Variants in TENM2 observed in about 807,000 individuals in gnomAD.
The protein encoded by TENM2 is teneurin transmembrane protein 2.
A neutral mutation model predicts 245.2 loss-of-function variants in TENM2; 52 were observed. That is an observed-to-expected ratio of 0.21 (90% CI 0.17 to 0.27). The LOEUF (loss-of-function observed/expected upper bound fraction) is 0.27, where lower values mean the gene tolerates loss of function less well. TENM2 is among the 10% of genes least tolerant of loss of function. The probability of loss-of-function intolerance (pLI) is 1.00; values close to 1 mark genes in which losing one functional copy is unlikely to be tolerated. For synonymous variants in TENM2, 1,363 were observed against 1,438.9 expected (o/e 0.95, Z 1.19); for missense variants, 3,046 against 3,666.8 (o/e 0.83, Z 4.37).
chr5:167,282,306 A>G (rs1340794618), upstream of TENM2, among the ~76,000 whole-genome samples: 3 of 152,206 alleles, frequency 2.0e-5, no homozygotes, highest in Non-Finnish European at 4.4e-5. Context: ...TTCTTTCAGT[A>G]GATGCTGAAA....
At chr5:167,988,060 G>A (rs1314637273) in intron 4 of TENM2, among the ~76,000 whole-genome samples, 6 of 152,162 alleles carry the variant, frequency 3.9e-5, no homozygotes, top group African/African-American at 2.4e-5. Flanking sequence ...GAGGGTTTAT[G>A]CAGTGCTGAA....
At chr5:167,060,319 G>C in the TENM2 span, among the ~76,000 whole-genome samples, 4 of 152,066 alleles carry the variant, frequency 2.6e-5, no homozygotes, top group African/African-American at 9.6e-5. Flanking sequence ...ACAAATATGA[G>C]CCACGAATAT....
At chr5:167,125,963 T>C in the TENM2 span, among the ~76,000 whole-genome samples, 6 of 152,204 alleles carry the variant, frequency 3.9e-5, no homozygotes, top group Admixed American at 2.6e-4. Flanking sequence ...GGATAAAGTA[T>C]GTTTCTTATT....
intron 12 of TENM2, chr5:168,129,936 T>G (rs1487329140): frequency 2.0e-5 from 3 of 152,248 alleles, no homozygotes; most frequent in African/African-American, 7.2e-5. Context: ...AGGGAAATTT[T>G]GGGTAAGGCA....
At chr5:167,204,725 A>G in the TENM2 span, among the ~76,000 whole-genome samples, 1 of 152,212 alleles carries the variant, frequency 6.6e-6, no homozygotes, top group Non-Finnish European at 1.5e-5. Context: ...CCTGCAGATT[A>G]GAGTCCTATT....
chr5:167,066,715 T>G, the TENM2 span, among the ~76,000 whole-genome samples: 1 of 152,136 alleles, frequency 6.6e-6, no homozygotes, highest in South Asian at 2.1e-4. Flanking sequence ...TTTTGGCAGT[T>G]TTTAATTTTT....
At chr5:167,242,619 A>G in the TENM2 span, among the ~76,000 whole-genome samples, 1 of 152,128 alleles carries the variant, frequency 6.6e-6, no homozygotes, top group South Asian at 2.1e-4. Flanking sequence ...ATCCACTTTC[A>G]CTTAATGAAT....
chr5:167,357,584 T>G (rs1759429527), intron 1 of TENM2, among the ~76,000 whole-genome samples: 1 of 152,156 alleles, frequency 6.6e-6, no homozygotes. Flanking sequence ...AAGGACAGTG[T>G]TTCCACATTG....
At chr5:167,259,570 C>T in the TENM2 span, among the ~76,000 whole-genome samples, 2 of 152,142 alleles carry the variant, frequency 1.3e-5, no homozygotes, top group Non-Finnish European at 2.9e-5. Flanking sequence ...TGAAGATACA[C>T]CTGCTTTAAT....
intron 9 of TENM2, among the ~76,000 whole-genome samples, chr5:168,106,411 G>A (rs987090523): frequency 3.3e-5 from 5 of 152,064 alleles, no homozygotes; most frequent in Admixed American, 2.0e-4. Flanking sequence ...GCCAACCACC[G>A]TGCTGAACAA....
At chr5:167,603,162 G>A (rs1165119400) in intron 2 of TENM2, among the ~76,000 whole-genome samples, 2 of 152,150 alleles carry the variant, frequency 1.3e-5, no homozygotes, top group East Asian at 1.9e-4. Flanking sequence ...CACCTGGAAT[G>A]TCATTTGTTC....
the TENM2 span, among the ~76,000 whole-genome samples, chr5:167,007,110 T>C: frequency 4.6e-3 from 702 of 152,320 alleles, 6 homozygotes; most frequent in African/African-American, 0.016. This position sits in a 1 kb window ranked among gnomAD's most constrained non-coding sequence, Gnocchi z 4.2. Context: ...TGCTACTGAT[T>C]GCTTCTAATT....
the TENM2 span, among the ~76,000 whole-genome samples, chr5:167,197,178 C>T: frequency 1.3e-5 from 2 of 152,044 alleles, no homozygotes; most frequent in South Asian, 2.1e-4. Context: ...GATATATAAA[C>T]TCAGAGAGAT....
At chr5:167,230,818 G>C in the TENM2 span, among the ~76,000 whole-genome samples, 2 of 152,174 alleles carry the variant, frequency 1.3e-5, no homozygotes, top group African/African-American at 4.8e-5. Context: ...CTGAGCATCA[G>C]CTTACTTGGA....
chr5:167,805,415 G>T lies in TENM2; in HGVS notation c.503-70571G>T, dbSNP rs189915919. ...TTTATGAAGCTTTCCTGTGATTCTT[G>T]GAATGAACCAAATGTGGGATTTGTT... On this transcript the variant is annotated intron_variant, in intron 2 of 28. Coordinates refer to ENST00000518659, the Ensembl canonical transcript of TENM2. 1.1e-4 allele frequency among the ~76,000 whole-genome samples: 16 copies of T among 152,166 alleles called. No individual in the cohort carries two copies. In the East Asian group the frequency reaches 3.1e-3, roughly 29 times the overall value.
At position 167,463,749 on chromosome 5, in the gene TENM2, G is replaced by GC. The variant is rs956640126; in HGVS notation, c.502+88282dup. Among the ~76,000 whole-genome samples the GC allele has an allele frequency of 1.2e-4, 19 of 152,202 alleles. 1 individual carries two copies. The highest frequency in any genetic ancestry group is 1.0e-3 in the Admixed American group (16 of 15,300). On this transcript the variant is annotated intron_variant, in intron 2 of 28. Coordinates refer to ENST00000518659, the Ensembl canonical transcript of TENM2. ...GGCCTCAGGCGATCTGCCTGCTTCG[G>GC]CCCCCCAGACTGTTGGGATTACAGG... is the stretch of plus-strand genomic sequence containing the variant.
chr5:168,220,539 T>C (rs1352261188), intron 23 of TENM2, among the ~76,000 whole-genome samples: 1 of 152,248 alleles, frequency 6.6e-6, no homozygotes, highest in African/African-American at 2.4e-5. Context: ...GCCCTTTTTT[T>C]CATAATGTAG....
At chr5:167,415,650 T>C (rs1320141062) in intron 2 of TENM2, among the ~76,000 whole-genome samples, 2 of 152,184 alleles carry the variant, frequency 1.3e-5, no homozygotes, top group East Asian at 1.9e-4. Flanking sequence ...GATTTTTTCC[T>C]TCTGTTGACA....
At chr5:167,575,583 G>A (rs1359376515) in intron 2 of TENM2, among the ~76,000 whole-genome samples, 1 of 152,148 alleles carries the variant, frequency 6.6e-6, no homozygotes, top group Non-Finnish European at 1.5e-5. Flanking sequence ...AAACTGCTGA[G>A]TAGTGGGGAG....
Sources: allele counts gnomAD v4.1 joint callset (sites outside exome capture counted in the v4.1 genomes callset), GRCh38; gene constraint gnomAD v4.1.1; non-coding constraint Gnocchi (gnomAD v3.1); transcripts MANE v1.5; gene names NCBI Gene and HGNC (gene_info 2026-07-23, HGNC 2026-07-21).